Variants in UNC5B observed in about 807,000 individuals in gnomAD.
The protein encoded by UNC5B is unc-5 netrin receptor B, also known as netrin receptor UNC5B.
UNC5B carries 56 observed loss-of-function variants against 103.7 expected under a neutral mutation model. That is an observed-to-expected ratio of 0.54 (90% CI 0.44 to 0.67). The LOEUF (loss-of-function observed/expected upper bound fraction) is 0.67. Ranked by LOEUF, UNC5B falls within the 30% of genes least tolerant of loss-of-function variation. The pLI, the probability that UNC5B is intolerant of heterozygous loss-of-function variation, is 0.00. For missense variants in UNC5B, 1,194 were observed against 1,284.5 expected (o/e 0.93, Z 1.08); for synonymous variants, 577 against 542.0 (o/e 1.06, Z -0.90).
chr10:71,253,493 G>T (rs1844222301), intron 1 of UNC5B, among the ~76,000 whole-genome samples: 1 of 152,208 alleles, frequency 6.6e-6, no homozygotes, highest in African/African-American at 2.4e-5. Flanking sequence ...TGGCAGGGAA[G>T]GCCAGGCGCA....
intron 1 of UNC5B, among the ~76,000 whole-genome samples, chr10:71,223,074 G>T (rs1843483014): frequency 6.6e-6 from 1 of 152,192 alleles, no homozygotes; most frequent in African/African-American, 2.4e-5. Context: ...GGGGCAGCCT[G>T]CGTTCTTTCC....
chr10:71,265,313 C>T (rs1268572482), intron 1 of UNC5B, among the ~76,000 whole-genome samples: 1 of 152,146 alleles, frequency 6.6e-6, no homozygotes, highest in African/African-American at 2.4e-5. Context: ...GAAGCTTCCC[C>T]TCTAGGGCAA....
At chr10:71,234,445 G>T (rs1178643040) in intron 1 of UNC5B, among the ~76,000 whole-genome samples, 6 of 152,308 alleles carry the variant, frequency 3.9e-5, no homozygotes, top group African/African-American at 1.4e-4. Context: ...CTATGAAAAG[G>T]ACCTTCACCA....
intron 1 of UNC5B, among the ~76,000 whole-genome samples, chr10:71,270,348 G>GAGGGAGGGAGGGAGGGTGGGAGGC (rs1844613735): frequency 8.5e-5 from 1 of 11,742 alleles, no homozygotes; most frequent in Non-Finnish European, 5.0e-4. Context: ...GGAAGGGAGG[G>GAGGGAGGGAGGGAGGGTGGGAGGC]AGGGAGGGAG....
rs1272948934 is a variant in UNC5B, at chr10:71,302,668, G to A, written c.*3391G>A. 6.6e-6 allele frequency: 1 copy of A among 152,090 alleles called. No individual in the cohort carries two copies. The highest frequency in any genetic ancestry group is 2.1e-4 in the South Asian group (1 of 4,804). 9.4% of individuals were successfully genotyped at this position (152,090 alleles called of 1,614,324 possible). ...AGCTTTGGTGCAGGGAGCTCTTGGTGGGGCAAAGGGCTGGACCCCTGCCAG... is the reference window on the plus strand; with the variant it reads ...AGCTTTGGTGCAGGGAGCTCTTGGTAGGGCAAAGGGCTGGACCCCTGCCAG... On this transcript the variant is annotated 3_prime_UTR_variant, in exon 17 of 17. Coordinates refer to ENST00000335350, the MANE Select transcript of UNC5B (RefSeq NM_170744.5).
intron 1 of UNC5B, among the ~76,000 whole-genome samples, chr10:71,277,776 A>G (rs1844806812): frequency 6.6e-6 from 1 of 152,182 alleles, no homozygotes; most frequent in Non-Finnish European, 1.5e-5. Context: ...CACATTAGCT[A>G]CCCACTCACC....
intron 1 of UNC5B, among the ~76,000 whole-genome samples, chr10:71,250,808 T>C (rs1844155790): frequency 6.6e-6 from 1 of 152,228 alleles, no homozygotes; most frequent in Non-Finnish European, 1.5e-5. Context: ...TTTTCTAATT[T>C]ATAATCTATG....
chr10:71,242,955 G>A (rs1025482243), intron 1 of UNC5B, among the ~76,000 whole-genome samples: 4 of 152,118 alleles, frequency 2.6e-5, no homozygotes, highest in Non-Finnish European at 4.4e-5. Flanking sequence ...CTGGGGAGCC[G>A]GGCGCGGTGG....
At position 71,299,924 on chromosome 10, in the gene UNC5B, GAAA is replaced by G. The variant is rs11385884; in HGVS notation, c.*654_*656del. The G allele has an allele frequency of 4.0e-5, 6 of 150,622 alleles. No individual in the cohort carries two copies. The highest frequency in any genetic ancestry group is 1.5e-4 in the African/African-American group (6 of 41,062). The allele number at this position is 150,622 out of a possible 1,614,324, so 9.3% of individuals were successfully genotyped here. A position where few individuals can be genotyped will look rare whatever the true frequency, so the allele number is the denominator to read the frequency against. ...GATTATTTGGATAAGTCCTTTTTAA[GAAA>G]AAAAAAGAAAATGAAAAACAACACA... is the stretch of plus-strand genomic sequence containing the variant. On this transcript the variant is annotated 3_prime_UTR_variant, in exon 17 of 17. Transcript: ENST00000335350.
intron 1 of UNC5B, among the ~76,000 whole-genome samples, chr10:71,254,256 C>A (rs193294388): frequency 6.6e-6 from 1 of 152,242 alleles, no homozygotes; most frequent in Non-Finnish European, 1.5e-5. Flanking sequence ...AGTCTTCTCC[C>A]GTCACAAGAC....
chr10:71,282,981 G>A lies in UNC5B; in HGVS notation c.305-1739G>A, dbSNP rs578069115. ...AAATACAAAAAAAAATTAGCCAGGC[G>A]TGGTGGCAGGCGCCTGTAGTCCCAG... is the stretch of plus-strand genomic sequence containing the variant. On this transcript the variant is annotated intron_variant, in intron 2 of 16. Coordinates refer to ENST00000335350, the MANE Select transcript of UNC5B (RefSeq NM_170744.5). Among the ~76,000 whole-genome samples the A allele has an allele frequency of 2.1e-4, 32 of 152,284 alleles. 1 individual carries two copies. Among genetic ancestry groups the A allele is most frequent in the South Asian group, 2.1e-3 (10 of 4,828 alleles).
chr10:71,296,532 G>A (rs1845417269), intron 14 of UNC5B, 46 bp from the exon 15 acceptor site: 1 of 1,603,044 alleles, frequency 6.2e-7, no homozygotes, highest in African/African-American at 1.3e-5. Context: ...ATGAGGACAG[G>A]GCAGGCTGGC....
intron 1 of UNC5B, among the ~76,000 whole-genome samples, chr10:71,268,351 T>C (rs527883607): frequency 6.6e-6 from 1 of 152,396 alleles, no homozygotes; most frequent in East Asian, 1.9e-4. Context: ...CTGTGACTTC[T>C]TTTATGCCAG....
chr10:71,259,385 CAAAAA>C (rs57245329), intron 1 of UNC5B, among the ~76,000 whole-genome samples: 1 of 90,278 alleles, frequency 1.1e-5, no homozygotes. Flanking sequence ...GACTCCATCT[CAAAAA>C]AAAAAAAAAA....
intron 1 of UNC5B, among the ~76,000 whole-genome samples, chr10:71,227,272 A>G (rs1589151134): frequency 6.6e-6 from 1 of 152,322 alleles, no homozygotes; most frequent in African/African-American, 2.4e-5. Context: ...GGTGTGAGCC[A>G]TCGCACCCAG....
chr10:71,229,154 A>T (rs547561032), intron 1 of UNC5B, among the ~76,000 whole-genome samples: 1 of 152,342 alleles, frequency 6.6e-6, no homozygotes, highest in South Asian at 2.1e-4. Context: ...CTGTTGATTG[A>T]TGGACGGAAC....
At chr10:71,234,922 A>AT (rs989337015) in intron 1 of UNC5B, among the ~76,000 whole-genome samples, 75 of 152,132 alleles carry the variant, frequency 4.9e-4, no homozygotes, top group Admixed American at 1.3e-4. Flanking sequence ...AGGGGACAGG[A>AT]TTTGGCATCC....
intron 1 of UNC5B, among the ~76,000 whole-genome samples, chr10:71,260,966 C>G (rs916799551): frequency 6.6e-6 from 1 of 152,232 alleles, no homozygotes; most frequent in African/African-American, 2.4e-5. Flanking sequence ...GCAGCCCTTA[C>G]GAAAGCCACC....
chr10:71,246,416 C>T (rs1483575331), intron 1 of UNC5B, among the ~76,000 whole-genome samples: 1 of 151,964 alleles, frequency 6.6e-6, no homozygotes, highest in Non-Finnish European at 1.5e-5. Flanking sequence ...GTAGGGGAGC[C>T]CACCTGAGGG....
Sources: gnomAD v4.1 joint callset for allele counts (sites outside exome capture counted in the v4.1 genomes callset) on GRCh38, gnomAD v4.1.1 for gene constraint, MANE v1.5 for transcripts, NCBI Gene and HGNC (gene_info 2026-07-23, HGNC 2026-07-21) for gene names.